The following CELF4 variants were observed in gnomAD, a reference collection of about 807,000 sequenced individuals.
The protein encoded by CELF4 is CUG-BP- and ETR-3-like factor 4.
CELF4 carries 18 observed loss-of-function variants against 59.9 expected under a neutral mutation model. The ratio of observed to expected loss-of-function variants is 0.30; its 90% confidence interval spans 0.21 to 0.45. The LOEUF is 0.45. Among genes scored for constraint, CELF4 ranks in the 20% least tolerant of loss-of-function variants. The probability of loss-of-function intolerance (pLI) is 1.00; values close to 1 mark genes in which losing one functional copy is unlikely to be tolerated. For missense variants in CELF4, 456 were observed against 689.0 expected, an observed-to-expected ratio of 0.66 and a Z score of 3.79; for synonymous variants, 261 against 267.1, an observed-to-expected ratio of 0.98 and a Z score of 0.22.
intron 2 of CELF4, among the ~76,000 whole-genome samples, chr18:37,325,188 G>A (rs1478040980): frequency 6.6e-6 from 1 of 152,144 alleles, no homozygotes; most frequent in Non-Finnish European, 1.5e-5. Context: ...TCCTGAGGCA[G>A]GAGACTCCAT....
chr18:37,344,562 T>G (rs1459128911), intron 2 of CELF4, among the ~76,000 whole-genome samples: 3 of 152,260 alleles, frequency 2.0e-5, no homozygotes, highest in Non-Finnish European at 4.4e-5. Context: ...GAAGAACTGG[T>G]CTTTGCCGAG....
At chr18:37,465,057 C>T (rs1285175893) in intron 2 of CELF4, among the ~76,000 whole-genome samples, 1 of 152,148 alleles carries the variant, frequency 6.6e-6, no homozygotes, top group Non-Finnish European at 1.5e-5. Context: ...CCTCACCTAT[C>T]AATTAAAGAG....
At chr18:37,463,649 T>A (rs546714981) in intron 2 of CELF4, among the ~76,000 whole-genome samples, 42 of 152,186 alleles carry the variant, frequency 2.8e-4, no homozygotes, top group Admixed American at 1.3e-3. Context: ...TGCAGTGCCT[T>A]CACCCAGTTG....
chr18:37,442,720 G>A (rs1350854518), intron 2 of CELF4, among the ~76,000 whole-genome samples: 1 of 152,172 alleles, frequency 6.6e-6, no homozygotes, highest in Non-Finnish European at 1.5e-5. Flanking sequence ...AGGCTCGGCC[G>A]CTGGTAGCAC....
chr18:37,455,899 C>T (rs2099776813), intron 2 of CELF4, among the ~76,000 whole-genome samples: 1 of 152,212 alleles, frequency 6.6e-6, no homozygotes, highest in African/African-American at 2.4e-5. Context: ...AACCTCCTTC[C>T]TTTGGAGCCT....
At chr18:37,471,309 C>G (rs1056439057) in intron 2 of CELF4, among the ~76,000 whole-genome samples, 1 of 152,162 alleles carries the variant, frequency 6.6e-6, no homozygotes, top group Non-Finnish European at 1.5e-5. Flanking sequence ...CCTTCACCAT[C>G]CAGACCATGC....
At chr18:37,544,393 A>G (rs2099979906) in intron 1 of CELF4, among the ~76,000 whole-genome samples, 1 of 152,144 alleles carries the variant, frequency 6.6e-6, no homozygotes, top group African/African-American at 2.4e-5. Flanking sequence ...AGTGCTATGC[A>G]TTGCATGGCC....
At position 37,321,820 on chromosome 18, in the gene CELF4, A is replaced by T; in HGVS notation, c.431T>A (p.Leu144Gln). The T allele has an allele frequency of 6.2e-7, 1 of 1,612,374 alleles. No homozygotes were observed. The highest frequency in any genetic ancestry group is 8.5e-7 in the Non-Finnish European group (1 of 1,179,158). ...DSESRGGSSCLRQPPSQDRKL... is the reference protein window; with the variant it reads ...DSESRGGSSCQRQPPSQDRKL... ...GCCCTCACGTGAAGGGGGCTGGCGC[A>T]GGCAGCTACTACCTCCTCGGCTCTC... The change falls in exon 3 of 13, where the codon CTG (leucine) becomes CAG (glutamine). Residue 144 changes from leucine to glutamine, a missense_variant. Coordinates refer to ENST00000420428, the MANE Select transcript of CELF4 (RefSeq NM_020180.4).
At chr18:37,336,613 A>C (rs2097778360) in intron 2 of CELF4, among the ~76,000 whole-genome samples, 1 of 152,132 alleles carries the variant, frequency 6.6e-6, no homozygotes, top group Non-Finnish European at 1.5e-5. Flanking sequence ...CCTCAGACTC[A>C]TATGTGTGAC....
intron 2 of CELF4, among the ~76,000 whole-genome samples, chr18:37,370,807 A>G (rs540044782): frequency 1.3e-5 from 2 of 152,212 alleles, no homozygotes; most frequent in East Asian, 1.9e-4. Flanking sequence ...AAAATCCTTC[A>G]GCGTGCTAAC....
intron 2 of CELF4, among the ~76,000 whole-genome samples, chr18:37,375,252 A>C (rs1390283325): frequency 6.6e-6 from 1 of 152,184 alleles, no homozygotes; most frequent in Non-Finnish European, 1.5e-5. Context: ...AATGAATTGC[A>C]AAGGTAACTT....
intron 11 of CELF4, among the ~76,000 whole-genome samples, chr18:37,255,422 C>T (rs900813759): frequency 2.6e-5 from 4 of 151,808 alleles, no homozygotes; most frequent in Non-Finnish European, 4.4e-5. Flanking sequence ...TTTGCTCCTA[C>T]AGCCGAACAA....
At chr18:37,350,422 G>A (rs1200847506) in intron 2 of CELF4, among the ~76,000 whole-genome samples, 2 of 152,166 alleles carry the variant, frequency 1.3e-5, no homozygotes, top group Non-Finnish European at 2.9e-5. Context: ...GGACAAATCT[G>A]CTGGCCTGTG....
chr18:37,415,598 T>C (rs1184024557), intron 2 of CELF4, among the ~76,000 whole-genome samples: 1 of 152,218 alleles, frequency 6.6e-6, no homozygotes, highest in Non-Finnish European at 1.5e-5. Context: ...TTTTTTAACT[T>C]TAAGAGAAGT....
At chr18:37,407,425 ATC>A (rs1337776955) in intron 2 of CELF4, among the ~76,000 whole-genome samples, 2 of 152,312 alleles carry the variant, frequency 1.3e-5, no homozygotes, top group Admixed American at 6.5e-5. Flanking sequence ...GACAAATTTT[ATC>A]TGTGTTTAAT....
chr18:37,286,761 A>G (rs1207230975), intron 3 of CELF4, among the ~76,000 whole-genome samples: 1 of 152,028 alleles, frequency 6.6e-6, no homozygotes, highest in Non-Finnish European at 1.5e-5. Flanking sequence ...CACCACGCCC[A>G]TTCCCCACAC....
intron 6 of CELF4, 30 bp downstream of exon 6, chr18:37,274,281 G>A: frequency 6.2e-7 from 1 of 1,608,534 alleles, no homozygotes; most frequent in Non-Finnish European, 8.5e-7. Flanking sequence ...GTGAGCTTGA[G>A]AACCGCTGCC....
At chr18:37,262,528 C>T (rs2154314338) in intron 10 of CELF4, among the ~76,000 whole-genome samples, 1 of 152,088 alleles carries the variant, frequency 6.6e-6, no homozygotes, top group East Asian at 1.9e-4. Context: ...ATGGGGGCCT[C>T]AGTTTAAGGC....
At chr18:37,480,235 C>G (rs963516708) in intron 2 of CELF4, among the ~76,000 whole-genome samples, 2 of 152,126 alleles carry the variant, frequency 1.3e-5, no homozygotes, top group African/African-American at 4.8e-5. Context: ...TGCAGAGAAA[C>G]AGAAGGTGGC....
Sources: gnomAD v4.1 joint callset for allele counts (sites outside exome capture counted in the v4.1 genomes callset) on GRCh38, gnomAD v4.1.1 for gene constraint, MANE v1.5 for transcripts, NCBI Gene and HGNC (gene_info 2026-07-23, HGNC 2026-07-21) for gene names.